The following GLI3 variants were observed in gnomAD, a reference collection of about 807,000 sequenced individuals.
GLI3 encodes the protein GLI family zinc finger 3.
A neutral mutation model predicts 100.8 loss-of-function variants in GLI3; 20 were observed. The observed-to-expected ratio is 0.20, with a 90% CI of 0.14 to 0.29. GLI3 has a LOEUF of 0.29. Ranked by LOEUF, GLI3 falls within the 10% of genes least tolerant of loss-of-function variation. The pLI, the probability that GLI3 is intolerant of heterozygous loss-of-function variation, is 1.00. For synonymous variants in GLI3, 938 were observed against 860.5 expected, an observed-to-expected ratio of 1.09 and a Z score of -1.58; for missense variants, 2,040 against 2,128.5, an observed-to-expected ratio of 0.96 and a Z score of 0.82.
chr7:42,092,354 A>G (rs1251226098), intron 3 of GLI3, among the ~76,000 whole-genome samples: 1 of 152,196 alleles, frequency 6.6e-6, no homozygotes, highest in Admixed American at 6.5e-5. Flanking sequence ...TGTGCCTGAG[A>G]AAAACACACA....
In GLI3 at chr7:41,965,904, A is replaced by G; in HGVS notation, c.3169T>C (p.Ser1057Pro). The change falls in exon 15 of 15, where the codon TCC (serine) becomes CCC (proline). Residue 1057 changes from serine (S) to proline (P), a missense_variant. Coordinates refer to ENST00000395925, the MANE Select transcript of GLI3 (RefSeq NM_000168.6). ...QNYTRPEGGQ[S>P]RNFHSSPCPP... ...CAGGGGGACGAGTGGAAGTTTCGGG[A>G]CTGGCCGCCCTCGGGCCGCGTGTAA... is the stretch of plus-strand genomic sequence containing the variant. The G allele has an allele frequency of 6.2e-7, 1 of 1,612,484 alleles. No homozygotes were observed. Among genetic ancestry groups the G allele is most frequent in the Non-Finnish European group, 8.5e-7 (1 of 1,179,612 alleles).
chr7:42,156,395 C>T (rs1787004369), intron 2 of GLI3, among the ~76,000 whole-genome samples: 1 of 152,140 alleles, frequency 6.6e-6, no homozygotes, highest in Admixed American at 6.5e-5. Context: ...AAAATTTTGC[C>T]TTTTGCTTGG....
At chr7:42,217,790 T>C (rs1219685669) in intron 2 of GLI3, among the ~76,000 whole-genome samples, 1 of 152,220 alleles carries the variant, frequency 6.6e-6, no homozygotes, top group Non-Finnish European at 1.5e-5. Context: ...GCAAACATAT[T>C]TCCCTTAATT....
At chr7:42,090,024 T>C (rs1785184438) in intron 3 of GLI3, among the ~76,000 whole-genome samples, 1 of 152,190 alleles carries the variant, frequency 6.6e-6, no homozygotes, top group Non-Finnish European at 1.5e-5. Context: ...AACGGTACGG[T>C]AGCATGTCCC....
At chr7:42,205,901 G>A (rs1788141235) in intron 2 of GLI3, among the ~76,000 whole-genome samples, 1 of 152,070 alleles carries the variant, frequency 6.6e-6, no homozygotes, top group Non-Finnish European at 1.5e-5. Flanking sequence ...ACAGAAAAAC[G>A]ACTAAGATTG....
At chr7:42,006,448 TG>T (rs1326973072) in intron 10 of GLI3, among the ~76,000 whole-genome samples, 1 of 152,204 alleles carries the variant, frequency 6.6e-6, no homozygotes, top group African/African-American at 2.4e-5. Context: ...CTATGAAACC[TG>T]CCCTCCCTAG....
chr7:42,122,140 T>C (rs1438000841), intron 3 of GLI3, among the ~76,000 whole-genome samples: 6 of 150,490 alleles, frequency 4.0e-5, no homozygotes, highest in Non-Finnish European at 7.4e-5. Context: ...AAAAATGCTA[T>C]TTGATAAAAA....
intron 4 of GLI3, among the ~76,000 whole-genome samples, chr7:42,059,296 G>T (rs183721906): frequency 6.6e-6 from 1 of 151,808 alleles, no homozygotes; most frequent in African/African-American, 2.4e-5. Flanking sequence ...AGGTATCCTT[G>T]TTTCTGCAAT....
chr7:41,993,549 G>T (rs902898019), intron 10 of GLI3, among the ~76,000 whole-genome samples: 2 of 152,022 alleles, frequency 1.3e-5, no homozygotes, highest in Non-Finnish European at 2.9e-5. Context: ...AATATTTATT[G>T]TCTGCTCCGC....
chr7:42,102,933 C>T (rs1031700725), intron 3 of GLI3, among the ~76,000 whole-genome samples: 5 of 152,310 alleles, frequency 3.3e-5, no homozygotes, highest in African/African-American at 1.2e-4. Context: ...GCTTAAGACG[C>T]TTTGAACTCC....
Position 42,077,367 on chromosome 7 carries a change from C to G in GLI3, c.368-510G>C, listed in dbSNP as rs1784901469. Among the ~76,000 whole-genome samples, 3 of 104,160 alleles carry G rather than the reference C, an allele frequency of 2.9e-5. No homozygotes were observed. The South Asian group carries it at 9.5e-4, about 33-fold the overall frequency. 68.3% of individuals were successfully genotyped at this position (104,160 alleles called of 152,430 possible). ...GCTGATATACACATGCATGCATGTG[C>G]TTCTTTTTTTTTTTTTTAACTTAAA... On this transcript the variant is annotated intron_variant, in intron 3 of 14. Coordinates refer to ENST00000395925, the MANE Select transcript of GLI3 (RefSeq NM_000168.6).
chr7:42,014,244 C>G (rs1405600929), intron 10 of GLI3, among the ~76,000 whole-genome samples: 1 of 152,148 alleles, frequency 6.6e-6, no homozygotes, highest in Non-Finnish European at 1.5e-5. Context: ...GAATAAAAGT[C>G]AGACTCCTAG....
intron 10 of GLI3, among the ~76,000 whole-genome samples, chr7:42,005,850 G>C (rs1428973273): frequency 1.3e-5 from 2 of 152,196 alleles, no homozygotes; most frequent in East Asian, 3.9e-4. Flanking sequence ...GAGGACACTA[G>C]TTAGTGAGAG....
chr7:41,995,183 G>A (rs1326183994), intron 10 of GLI3, among the ~76,000 whole-genome samples: 3 of 152,228 alleles, frequency 2.0e-5, no homozygotes, highest in Non-Finnish European at 4.4e-5. Flanking sequence ...AGTATCAGGA[G>A]CATAGTTTGT....
At chr7:42,012,671 C>A (rs1336768716) in intron 10 of GLI3, among the ~76,000 whole-genome samples, 1 of 152,008 alleles carries the variant, frequency 6.6e-6, no homozygotes, top group Admixed American at 6.6e-5. Context: ...AAGAATAATC[C>A]CCTCTTGATC....
chr7:42,203,125 T>C (rs376687143), intron 2 of GLI3, among the ~76,000 whole-genome samples: 3 of 152,206 alleles, frequency 2.0e-5, no homozygotes, highest in Non-Finnish European at 4.4e-5. Flanking sequence ...ACAGAAAAAA[T>C]TGTGTGTATT....
At chr7:42,147,118 A>G (rs952598102) in intron 3 of GLI3, among the ~76,000 whole-genome samples, 9 of 151,428 alleles carry the variant, frequency 5.9e-5, no homozygotes, top group Non-Finnish European at 7.4e-5. Context: ...GTTGGGGGGG[A>G]GGTGGTGCGG....
At chr7:42,194,881 C>T (rs763776216) in intron 2 of GLI3, among the ~76,000 whole-genome samples, 6 of 150,806 alleles carry the variant, frequency 4.0e-5, no homozygotes, top group Middle Eastern at 3.4e-3. Flanking sequence ...ATTCTCCTGC[C>T]TCAGCCTCCC....
intron 2 of GLI3, among the ~76,000 whole-genome samples, chr7:42,163,652 AC>A (rs1420280025): frequency 6.7e-6 from 1 of 150,040 alleles, no homozygotes; most frequent in Non-Finnish European, 1.5e-5. Flanking sequence ...CTGGTCTTGA[AC>A]TCCTGGCCTC....
Sources: gnomAD v4.1 joint callset for allele counts (sites outside exome capture counted in the v4.1 genomes callset) on GRCh38, gnomAD v4.1.1 for gene constraint, MANE v1.5 for transcripts, NCBI Gene and HGNC (gene_info 2026-07-23, HGNC 2026-07-21) for gene names.